GRIN2A: variants seen among roughly 807,000 people sequenced by gnomAD.
GRIN2A encodes glutamate ionotropic receptor NMDA type subunit 2A.
In GRIN2A, 22 loss-of-function variants were observed where a neutral mutation model predicts 113.4. The observed-to-expected ratio is 0.19, with a 90% CI of 0.14 to 0.28. The LOEUF (loss-of-function observed/expected upper bound fraction) is 0.28, where lower values mean the gene tolerates loss of function less well. GRIN2A is among the 10% of genes least tolerant of loss of function. The pLI, the probability that GRIN2A is intolerant of heterozygous loss-of-function variation, is 1.00. For synonymous variants in GRIN2A, 827 were observed against 738.4 expected (o/e 1.12, Z -1.94); for missense variants, 1,502 against 1,887.0 (o/e 0.80, Z 3.78).
chr16:10,113,319 C>T (rs2048660853), intron 2 of GRIN2A, among the ~76,000 whole-genome samples: 1 of 152,192 alleles, frequency 6.6e-6, no homozygotes, highest in African/African-American at 2.4e-5. Flanking sequence ...CCATGTGGCA[C>T]TTCTGAGCTC....
chr16:10,011,551 C>T (rs1026745436), intron 2 of GRIN2A, among the ~76,000 whole-genome samples: 1 of 152,126 alleles, frequency 6.6e-6, no homozygotes, highest in Non-Finnish European at 1.5e-5. Flanking sequence ...AGGTCAGGGC[C>T]GATTCACTGA....
intron 2 of GRIN2A, chr16:9,970,949 G>A (rs8045558): frequency 0.086 from 13,095 of 152,764 alleles, 660 homozygotes; most frequent in Non-Finnish European, 0.1. Flanking sequence ...GGGAAATAAA[G>A]GAAGCCTTTC....
At chr16:9,952,262 A>G (rs2045202886) in intron 2 of GRIN2A, among the ~76,000 whole-genome samples, 2 of 152,104 alleles carry the variant, frequency 1.3e-5, no homozygotes, top group South Asian at 2.1e-4. Flanking sequence ...GACCCACCCA[A>G]CCCAGCAAGA....
rs1900669943 is a variant in GRIN2A at position 9,763,261 on chromosome 16, A to G, written c.4283T>C (p.Val1428Ala). ...ATTCTTATTTGCAGCATAAGGCATA[A>G]CATGCTCCGAAATATACACATCATT... ...GHNDVYISEH[V>A]MPYAANKNNM... The change falls in exon 13 of 13, where the codon GTT becomes GCT. Residue 1428 changes from valine to alanine, a missense_variant. Transcript: ENST00000330684. 1.9e-6 allele frequency: 3 copies of G among 1,614,064 alleles called. No individual in the cohort carries two copies. The highest frequency in any genetic ancestry group is 2.5e-6 in the Non-Finnish European group (3 of 1,180,028).
intron 3 of GRIN2A, among the ~76,000 whole-genome samples, chr16:9,927,735 A>G (rs921723544): frequency 6.6e-6 from 1 of 152,236 alleles, no homozygotes; most frequent in African/African-American, 2.4e-5. Flanking sequence ...ATATGCTTAG[A>G]TAATATAACC....
At chr16:10,172,157 CAGG>C (rs1157060815) in intron 2 of GRIN2A, among the ~76,000 whole-genome samples, 1 of 152,208 alleles carries the variant, frequency 6.6e-6, no homozygotes, top group African/African-American at 2.4e-5. Flanking sequence ...CCTCATTTTG[CAGG>C]AGAACCAGAG....
intron 2 of GRIN2A, chr16:10,171,475 T>C (rs994947115): frequency 3.3e-5 from 5 of 152,200 alleles, no homozygotes; most frequent in Non-Finnish European, 5.9e-5. Flanking sequence ...TGCGATCACT[T>C]TCATGCTGGC....
At chr16:10,031,095 C>T (rs1054171565) in intron 2 of GRIN2A, among the ~76,000 whole-genome samples, 1 of 152,204 alleles carries the variant, frequency 6.6e-6, no homozygotes, top group African/African-American at 2.4e-5. Flanking sequence ...ACGCTGGAAT[C>T]GCACTTAGTT....
intron 4 of GRIN2A, among the ~76,000 whole-genome samples, chr16:9,875,190 A>G (rs1351122499): frequency 1.3e-5 from 2 of 151,892 alleles, no homozygotes; most frequent in East Asian, 4.0e-4. Context: ...GTGTGGGGGA[A>G]TCAAAGTGGT....
chr16:9,916,901 A>G (rs1401995364), intron 3 of GRIN2A, among the ~76,000 whole-genome samples: 1 of 152,202 alleles, frequency 6.6e-6, no homozygotes, highest in Non-Finnish European at 1.5e-5. Context: ...CTACTGCTCC[A>G]TGGTGTCTCT....
At chr16:9,929,690 G>C (rs2044544848) in intron 3 of GRIN2A, among the ~76,000 whole-genome samples, 1 of 152,170 alleles carries the variant, frequency 6.6e-6, no homozygotes, top group African/African-American at 2.4e-5. Flanking sequence ...TTTCACAAAA[G>C]AGAGTGGCAA....
chr16:9,781,926 GATAGT>G (rs2141184296), intron 11 of GRIN2A, among the ~76,000 whole-genome samples: 1 of 152,276 alleles, frequency 6.6e-6, no homozygotes, highest in Admixed American at 6.5e-5. Context: ...TGTGAAAGCA[GATAGT>G]ATAGTTACAT....
chr16:10,065,629 T>C (rs774410517), intron 2 of GRIN2A, among the ~76,000 whole-genome samples: 1 of 152,236 alleles, frequency 6.6e-6, no homozygotes, highest in Non-Finnish European at 1.5e-5. Flanking sequence ...AAGAATTCAG[T>C]GACAGCATGG....
intron 2 of GRIN2A, among the ~76,000 whole-genome samples, chr16:10,122,850 A>T (rs946220025): frequency 6.6e-6 from 1 of 152,098 alleles, no homozygotes; most frequent in African/African-American, 2.4e-5. Flanking sequence ...CATTATTTTG[A>T]CTCAAACAGA....
At chr16:9,881,726 C>T (rs2043484748) in intron 4 of GRIN2A, among the ~76,000 whole-genome samples, 1 of 152,130 alleles carries the variant, frequency 6.6e-6, no homozygotes, top group African/African-American at 2.4e-5. Flanking sequence ...GAAAACACAC[C>T]ATGAGCTCTC....
intron 2 of GRIN2A, among the ~76,000 whole-genome samples, chr16:9,945,078 T>C (rs2044985966): frequency 6.6e-6 from 1 of 152,144 alleles, no homozygotes; most frequent in Non-Finnish European, 1.5e-5. Context: ...CCCAGCACTT[T>C]GGGAGGCCAA....
At position 10,055,066 on chromosome 16, in the gene GRIN2A, AAAAAAAAAAAAAAAAAAAAG is replaced by A. The variant is rs2047426057; in HGVS notation, c.415-116535_415-116516del. ...CTATCTCAAAAAAAAAAAAAAAAAA[AAAAAAAAAAAAAAAAAAAAG>A]AAAAAAGAAAGAAAGAAAGAAAAAA... On this transcript the variant is annotated intron_variant, in intron 2 of 12. Transcript: ENST00000330684. Among the ~76,000 whole-genome samples the A allele has an allele frequency of 3.7e-5, 3 of 80,650 alleles. 1 individual carries two copies. The highest frequency in any genetic ancestry group is 1.8e-4 in the African/African-American group (3 of 16,662). 52.9% of individuals were successfully genotyped at this position (80,650 alleles called of 152,430 possible).
intron 2 of GRIN2A, among the ~76,000 whole-genome samples, chr16:9,944,411 C>T (rs1468534865): frequency 6.6e-6 from 1 of 152,082 alleles, no homozygotes; most frequent in Non-Finnish European, 1.5e-5. Context: ...ACTCCACCAC[C>T]ACCCACCTCC....
chr16:10,152,271 C>G (rs2049596486), intron 2 of GRIN2A, among the ~76,000 whole-genome samples: 1 of 152,026 alleles, frequency 6.6e-6, no homozygotes, highest in South Asian at 2.1e-4. Flanking sequence ...ATACAAACAC[C>G]CCATGCTCCA....
Sources: gnomAD v4.1 joint callset for allele counts (sites outside exome capture counted in the v4.1 genomes callset) on GRCh38, gnomAD v4.1.1 for gene constraint, MANE v1.5 for transcripts, NCBI Gene and HGNC (gene_info 2026-07-23, HGNC 2026-07-21) for gene names.